Variants in CHIC2 observed in about 807,000 individuals in gnomAD.
CHIC2 encodes cysteine rich hydrophobic domain 2, also known as cysteine-rich hydrophobic domain-containing protein 2.
CHIC2 carries 14 observed loss-of-function variants against 25.9 expected under a neutral mutation model. That is an observed-to-expected ratio of 0.54 (90% CI 0.36 to 0.85). CHIC2 has a LOEUF of 0.85. Ranked by LOEUF, CHIC2 falls within the 40% of genes least tolerant of loss-of-function variation. The pLI is 0.01. For missense variants in CHIC2, 146 were observed against 202.0 expected (o/e 0.72, Z 1.68); for synonymous variants, 70 against 72.0 (o/e 0.97, Z 0.14).
chr4:54,014,206 G>C, intron 3 of CHIC2, 87 bp from the exon 4 acceptor site: 2 of 1,076,190 alleles, frequency 1.9e-6, no homozygotes, highest in Admixed American at 1.9e-5. Flanking sequence ...AAAGGGGAGA[G>C]GTATAAGACA....
At chr4:54,038,813 G>T (rs1716473927) in intron 3 of CHIC2, among the ~76,000 whole-genome samples, 1 of 151,996 alleles carries the variant, frequency 6.6e-6, no homozygotes, top group African/African-American at 2.4e-5. Context: ...CTTGAGCCCA[G>T]GAGTTCGAGA....
At chr4:54,013,443 T>C (rs913245548) in intron 5 of CHIC2, among the ~76,000 whole-genome samples, 1 of 152,082 alleles carries the variant, frequency 6.6e-6, no homozygotes, top group South Asian at 2.1e-4. Context: ...TAAGCTCCAA[T>C]GGCTTGGCTG....
the CHIC2 span, among the ~76,000 whole-genome samples, chr4:54,090,740 C>T: frequency 6.6e-6 from 1 of 152,152 alleles, no homozygotes; most frequent in African/African-American, 2.4e-5. Flanking sequence ...GGTGGATTCA[C>T]ATCCAGGACC....
chr4:54,017,706 C>A (rs1715782546), intron 3 of CHIC2, among the ~76,000 whole-genome samples: 1 of 152,152 alleles, frequency 6.6e-6, no homozygotes, highest in Non-Finnish European at 1.5e-5. Flanking sequence ...GGAAAAACAA[C>A]TTTTTTGTGT....
In CHIC2 at chr4:54,064,469, T is replaced by C; in HGVS notation, c.-169A>G. On this transcript the variant is annotated 5_prime_UTR_variant, in exon 1 of 6. Transcript: ENST00000263921. This position sits in a 1 kb window ranked among gnomAD's most constrained non-coding sequence, Gnocchi z 4.2. The stretch of plus-strand genomic sequence containing the variant: ...CTCCGGCTACAGAGGGGATGGGGTC[T>C]GGACCGTCGCCGCCACCGCCGCCGC... The C allele has an allele frequency of 4.1e-6, 6 of 1,458,758 alleles. No homozygotes were observed. Among genetic ancestry groups the C allele is most frequent in the Non-Finnish European group, 5.4e-6 (6 of 1,113,632 alleles). The allele number at this position is 1,458,758 out of a possible 1,614,324, so 90.4% of individuals were successfully genotyped here.
At chr4:54,072,899 C>T in the CHIC2 span, among the ~76,000 whole-genome samples, 1 of 152,056 alleles carries the variant, frequency 6.6e-6, no homozygotes, top group Non-Finnish European at 1.5e-5. Context: ...AGTGAAACCC[C>T]GTGTCTACTA....
At chr4:54,037,383 A>C (rs1318606304) in intron 3 of CHIC2, among the ~76,000 whole-genome samples, 2 of 152,212 alleles carry the variant, frequency 1.3e-5, no homozygotes, top group South Asian at 4.1e-4. Context: ...TAAAACAAGA[A>C]GACAAAAAAG....
chr4:54,085,365 T>A, the CHIC2 span, among the ~76,000 whole-genome samples: 2 of 152,224 alleles, frequency 1.3e-5, no homozygotes, highest in Admixed American at 1.3e-4. Flanking sequence ...ACGAAGTATC[T>A]GTGGAAGACA....
intron 3 of CHIC2, among the ~76,000 whole-genome samples, chr4:54,040,470 G>A (rs1369940009): frequency 6.6e-6 from 1 of 152,016 alleles, no homozygotes; most frequent in Non-Finnish European, 1.5e-5. Flanking sequence ...GGAGGCCGAA[G>A]CGGGCAGATC....
chr4:54,052,063 C>T (rs1240618671), intron 1 of CHIC2, among the ~76,000 whole-genome samples: 1 of 152,124 alleles, frequency 6.6e-6, no homozygotes, highest in Non-Finnish European at 1.5e-5. Flanking sequence ...GTCAGAATTT[C>T]TTATTTGGCA....
chr4:54,074,176 G>GT, the CHIC2 span, among the ~76,000 whole-genome samples: 1 of 151,846 alleles, frequency 6.6e-6, no homozygotes, highest in Non-Finnish European at 1.5e-5. Flanking sequence ...AAAGTCATAG[G>GT]TTTTTTTCTC....
chr4:54,074,230 TTG>T, the CHIC2 span, among the ~76,000 whole-genome samples: 4 of 152,332 alleles, frequency 2.6e-5, no homozygotes, highest in African/African-American at 9.6e-5. Context: ...TTTAATTAAG[TTG>T]TGTTATGTCT....
At chr4:54,089,781 T>C in the CHIC2 span, among the ~76,000 whole-genome samples, 2 of 152,166 alleles carry the variant, frequency 1.3e-5, no homozygotes, top group Admixed American at 6.5e-5. Context: ...AAAGAAGTCA[T>C]AGTAAAGGAT....
At chr4:54,069,668 A>G in the CHIC2 span, among the ~76,000 whole-genome samples, 5 of 152,242 alleles carry the variant, frequency 3.3e-5, no homozygotes, top group African/African-American at 4.8e-5. Flanking sequence ...TCAACTCACT[A>G]GAATACAGAA....
chr4:54,063,257 G>A (rs1048036343), intron 1 of CHIC2, among the ~76,000 whole-genome samples: 15 of 152,206 alleles, frequency 9.9e-5, no homozygotes, highest in African/African-American at 3.4e-4. Context: ...GACAAGTATG[G>A]AAGTCTGATC....
intron 3 of CHIC2, among the ~76,000 whole-genome samples, chr4:54,038,490 T>C (rs1716460868): frequency 6.6e-6 from 1 of 152,120 alleles, no homozygotes; most frequent in Admixed American, 6.5e-5. Flanking sequence ...CCTAAATACA[T>C]GGAGACTATG....
upstream of CHIC2, among the ~76,000 whole-genome samples, chr4:54,065,798 G>A (rs1717505342): frequency 6.6e-6 from 1 of 152,142 alleles, no homozygotes; most frequent in South Asian, 2.1e-4. Context: ...CACTGTTGAC[G>A]TGGAGAAAGT....
chr4:54,047,221 C>A (rs959304932), intron 3 of CHIC2, among the ~76,000 whole-genome samples: 8 of 152,140 alleles, frequency 5.3e-5, no homozygotes, highest in Non-Finnish European at 7.3e-5. Flanking sequence ...CCAGTTCAAC[C>A]ATTGTGGAAG....
In CHIC2 at chr4:54,043,539, T is replaced by C. The variant is rs1159989648; in HGVS notation, c.330+5416A>G. Among the ~76,000 whole-genome samples, 3 of 152,020 alleles carry C rather than the reference T, an allele frequency of 2.0e-5. No individual in the cohort carries two copies. In the East Asian group the frequency reaches 5.8e-4, roughly 29 times the overall value. Reference sequence around the variant, plus strand: ...AAAGAATTTTCAACCCACAATTTCATATCCAGCCAAACTAAGCTTCATAAG... The same window carrying C: ...AAAGAATTTTCAACCCACAATTTCACATCCAGCCAAACTAAGCTTCATAAG... On this transcript the variant is annotated intron_variant, in intron 3 of 5. Transcript: ENST00000263921.
Sources: allele counts gnomAD v4.1 joint callset (sites outside exome capture counted in the v4.1 genomes callset), GRCh38; gene constraint gnomAD v4.1.1; non-coding constraint Gnocchi (gnomAD v3.1); transcripts MANE v1.5; gene names NCBI Gene and HGNC (gene_info 2026-07-23, HGNC 2026-07-21).